Variants in RASSF5 observed in about 807,000 individuals in gnomAD.
RASSF5 encodes the protein Ras association domain family member 5.
RASSF5 carries 25 observed loss-of-function variants against 40.5 expected under a neutral mutation model. That is an observed-to-expected ratio of 0.62 (90% confidence interval 0.45 to 0.86). The LOEUF is 0.86. RASSF5 is among the 40% of genes least tolerant of loss of function. The pLI is 0.00. For synonymous variants in RASSF5, 246 were observed against 252.4 expected, an observed-to-expected ratio of 0.97 and a Z score of 0.24; for missense variants, 521 against 572.8, an observed-to-expected ratio of 0.91 and a Z score of 0.92.
intron 1 of RASSF5, among the ~76,000 whole-genome samples, chr1:206,534,202 G>C (rs1394471473): frequency 6.6e-6 from 1 of 152,090 alleles, no homozygotes; most frequent in Non-Finnish European, 1.5e-5. Flanking sequence ...CTGGGGAGAG[G>C]GGCTCCTATT....
intron 1 of RASSF5, among the ~76,000 whole-genome samples, chr1:206,528,435 C>A (rs1667152489): frequency 6.6e-6 from 1 of 152,060 alleles, no homozygotes; most frequent in Admixed American, 6.6e-5. Flanking sequence ...CAGAGCACAG[C>A]GGGTTTTTAG....
intron 1 of RASSF5, 100 bp downstream of exon 1, chr1:206,508,159 T>C: frequency 1.1e-6 from 1 of 949,786 alleles, no homozygotes; most frequent in South Asian, 2.4e-5. Context: ...CATTACACTC[T>C]TTGGCTCCAG....
rs1558521610 is a variant in RASSF5, at chr1:206,579,957, A to G, written c.580-3312A>G. On this transcript the variant is annotated intron_variant, in intron 2 of 5. Coordinates refer to ENST00000579436, the MANE Select transcript of RASSF5 (RefSeq NM_182663.4). The surrounding 1 kb of genome is among the most constrained non-coding windows in gnomAD (Gnocchi z 4.2). ...AGCCATCCCAGACCTGGGTGCTGGC[A>G]TTCCATGGCTGTGACATTCGTAGTG... is the stretch of plus-strand genomic sequence containing the variant. 6.6e-6 allele frequency among the ~76,000 whole-genome samples: 1 copy of G among 152,214 alleles called. No homozygotes were observed. The highest frequency in any genetic ancestry group is 1.5e-5 in the Non-Finnish European group (1 of 68,034).
chr1:206,567,803 G>A (rs544350432), intron 2 of RASSF5, among the ~76,000 whole-genome samples: 14 of 152,268 alleles, frequency 9.2e-5, no homozygotes, highest in East Asian at 1.9e-4. Flanking sequence ...GTGATTGGGC[G>A]TTGATATGTG....
At chr1:206,520,581 CAG>C (rs781836359) in intron 1 of RASSF5, among the ~76,000 whole-genome samples, 1 of 139,864 alleles carries the variant, frequency 7.1e-6, no homozygotes, top group Non-Finnish European at 1.5e-5. Context: ...CACTCCAGCC[CAG>C]TTGACAAAGC....
chr1:206,545,648 C>T (rs1667663756), intron 2 of RASSF5, among the ~76,000 whole-genome samples: 1 of 152,134 alleles, frequency 6.6e-6, no homozygotes, highest in Admixed American at 6.5e-5. Flanking sequence ...ATTATTATGT[C>T]TGCTTAGTTA....
intron 1 of RASSF5, chr1:206,529,022 T>C: frequency 2.7e-6 from 2 of 746,974 alleles, no homozygotes; most frequent in Non-Finnish European, 4.5e-6. Flanking sequence ...CTAAGAATTT[T>C]GGCATTGGAC....
At chr1:206,529,470 A>C (rs1667181554) in intron 1 of RASSF5, 1 of 1,351,140 alleles carries the variant, frequency 7.4e-7, no homozygotes, top group Non-Finnish European at 1.0e-6. Flanking sequence ...GGAGAAGGCA[A>C]GACTGGGACG....
intron 2 of RASSF5, chr1:206,557,799 C>A (rs1268978109): frequency 2.7e-5 from 35 of 1,310,900 alleles, no homozygotes; most frequent in Non-Finnish European, 3.6e-5. Flanking sequence ...AGCCACATGT[C>A]AGGAAAGTGG....
intron 2 of RASSF5, among the ~76,000 whole-genome samples, chr1:206,550,562 T>C (rs1667811802): frequency 6.6e-6 from 1 of 152,232 alleles, no homozygotes. Context: ...ACATAACCTC[T>C]CTTAGCTATT....
In RASSF5 at chr1:206,583,350, C is replaced by G; in HGVS notation, c.661C>G (p.Arg221Gly). The change falls in exon 3 of 6, where the codon CGA (arginine) becomes GGA (glycine). Residue 221 changes from arginine (R) to glycine (G), a missense_variant. Physicochemically the swap from Arg to Gly is moderately radical, Grantham distance 125 (BLOSUM62 -2). This residue lies in a region of RASSF5 where 284 missense variants were observed against 360.8 expected (regional missense o/e 0.79). Transcript: ENST00000579436. ...IKQKIDSYNT[R>G]EKNCLGMKLS... ...GCAGAAGATCGACAGCTACAACACGCGAGAGAAGAACTGCCTGGGCATGAA... is the reference window on the plus strand; with the variant it reads ...GCAGAAGATCGACAGCTACAACACGGGAGAGAAGAACTGCCTGGGCATGAA... The G allele has an allele frequency of 6.2e-7, 1 of 1,613,398 alleles. No homozygotes were observed. Among genetic ancestry groups the G allele is most frequent in the South Asian group, 1.1e-5 (1 of 91,058 alleles).
At chr1:206,576,976 G>T (rs993593161) in intron 2 of RASSF5, among the ~76,000 whole-genome samples, 12 of 103,826 alleles carry the variant, frequency 1.2e-4, no homozygotes, top group Non-Finnish European at 2.2e-4. Context: ...GCTAATTTTT[G>T]TATTTTTTTT....
rs1667465662 is a variant in RASSF5, at chr1:206,538,216, T to C, written c.502T>C (p.Leu168=). 1.9e-6 allele frequency: 3 copies of C among 1,614,224 alleles called. No homozygotes were observed. Among genetic ancestry groups the C allele is most frequent in the Non-Finnish European group, 2.5e-6 (3 of 1,180,034 alleles). The change falls in exon 2 of 6, where the codon TTG becomes CTG. Residue 168 remains leucine, a synonymous_variant. Coordinates refer to ENST00000579436, the MANE Select transcript of RASSF5 (RefSeq NM_182663.4). ...CCCAGAATGCCGCAGCCTGATCCAG[T>C]TGGACTGCAGTCAGCAGGAGGGTTT... ...CHPECRSLIQ[L]DCSQQEGLSR...
chr1:206,584,632 G>A lies in RASSF5; in HGVS notation c.936G>A (p.Val312=). 6.2e-7 allele frequency: 1 copy of A among 1,614,224 alleles called. No homozygotes were observed. The highest frequency in any genetic ancestry group is 2.2e-5 in the East Asian group (1 of 44,882). ...GGCTGCTCAAGAAGTTCATGGTTGT[G>A]GACAATCCCCAGAAGTTTGCACTTT... ...IQGLLKKFMV[V]DNPQKFALFK... is the part of the protein sequence containing the mutation. Residue 312 remains valine, a synonymous_variant, in exon 4 of 6, where the codon GTG becomes GTA. Coordinates refer to ENST00000579436, the MANE Select transcript of RASSF5 (RefSeq NM_182663.4). This position sits in a 1 kb window ranked among gnomAD's most constrained non-coding sequence, Gnocchi z 4.9.
chr1:206,577,149 G>C (rs1572359318), intron 2 of RASSF5, among the ~76,000 whole-genome samples: 1 of 152,124 alleles, frequency 6.6e-6, no homozygotes, highest in Non-Finnish European at 1.5e-5. Context: ...CACTCATCCA[G>C]TAGCTGCTTT....
chr1:206,520,038 C>T (rs1036727183), intron 1 of RASSF5, among the ~76,000 whole-genome samples: 6 of 152,186 alleles, frequency 3.9e-5, no homozygotes, highest in Non-Finnish European at 5.9e-5. Context: ...AGATCATTTC[C>T]TCGCTCCTTT....
intron 2 of RASSF5, among the ~76,000 whole-genome samples, chr1:206,575,005 G>A (rs1208791128): frequency 6.7e-5 from 10 of 149,972 alleles, no homozygotes; most frequent in African/African-American, 2.4e-4. Flanking sequence ...GATTACAGGC[G>A]CACGGATAAT....
intron 2 of RASSF5, among the ~76,000 whole-genome samples, chr1:206,547,442 C>T (rs906674856): frequency 2.0e-5 from 3 of 151,872 alleles, no homozygotes; most frequent in Middle Eastern, 6.8e-3. Flanking sequence ...ACTGCGCATG[C>T]GAGGGATCTA....
chr1:206,547,303 T>C (rs566148266), intron 2 of RASSF5, among the ~76,000 whole-genome samples: 242 of 152,152 alleles, frequency 1.6e-3, no homozygotes, highest in Non-Finnish European at 2.6e-3. Context: ...AGGTGAGCAG[T>C]TGGAGAGCAA....
Sources: gnomAD v4.1 joint callset for allele counts (sites outside exome capture counted in the v4.1 genomes callset) on GRCh38, gnomAD v4.1.1 for gene constraint, gnomAD v4.1.1 regional missense constraint, Gnocchi (gnomAD v3.1) non-coding constraint, MANE v1.5 for transcripts, NCBI Gene and HGNC (gene_info 2026-07-23, HGNC 2026-07-21) for gene names.